GALNS: variants seen among roughly 807,000 people sequenced by gnomAD.
GALNS encodes galactosamine (N-acetyl)-6-sulfatase, also known as N-acetylgalactosamine-6-sulfatase.
A neutral mutation model predicts 65.9 loss-of-function variants in GALNS; 65 were observed. The ratio of observed to expected loss-of-function variants is 0.99; its 90% CI spans 0.81 to 1.21. The LOEUF is 1.21. GALNS is among the 50% of genes most tolerant of loss of function. GALNS has a pLI of 0.00. For missense variants in GALNS, 776 were observed against 700.7 expected (o/e 1.11, Z -1.21); for synonymous variants, 346 against 288.9 (o/e 1.20, Z -2.00).
chr16:88,843,168 G>A (rs902990186), intron 1 of GALNS: 2 of 1,389,036 alleles, frequency 1.4e-6, no homozygotes, highest in African/African-American at 2.9e-5. Context: ...GCATCTGCAT[G>A]CTCGCAGGAG....
Position 88,835,481 on chromosome 16 carries a change from C to G in GALNS, c.759-129G>C, listed in dbSNP as rs117958182. 51,489 of 1,344,368 alleles carry G rather than the reference C, an allele frequency of 0.038. 1,211 individuals carry two copies. The highest frequency in any genetic ancestry group is 0.077 in the South Asian group (6,238 of 81,224). 83.3% of individuals were successfully genotyped at this position (1,344,368 alleles called of 1,614,324 possible). On this transcript the variant is annotated intron_variant, in intron 7 of 13. Coordinates refer to ENST00000268695, the MANE Select transcript of GALNS (RefSeq NM_000512.5). ...CTTCACAGACCACAGTGAAACTGGC[C>G]GGCCTCTTCCCAGAAGAGGAATGGC...
intron 9 of GALNS, among the ~76,000 whole-genome samples, chr16:88,831,205 CGAG>C (rs952134304): frequency 7.2e-5 from 11 of 151,960 alleles, no homozygotes; most frequent in Admixed American, 1.3e-4. Flanking sequence ...GACCTGGTTC[CGAG>C]GAGAGCGGTG....
chr16:88,821,304 T>A (rs1910194351), intron 12 of GALNS, among the ~76,000 whole-genome samples: 1 of 150,724 alleles, frequency 6.6e-6, no homozygotes, highest in Non-Finnish European at 1.5e-5. Flanking sequence ...CCAGTCCCCG[T>A]CTCGTCCCGT....
intron 1 of GALNS, chr16:88,855,530 CAAAT>C: frequency 4.3e-6 from 3 of 702,332 alleles, no homozygotes; most frequent in Middle Eastern, 2.3e-4. Context: ...TCACTGCACA[CAAAT>C]AAGACATATG....
chr16:88,832,134 G>C (rs1333160333), intron 8 of GALNS, 33 bp from the exon 9 acceptor site: 3 of 1,578,922 alleles, frequency 1.9e-6, no homozygotes, highest in Non-Finnish European at 2.6e-6. Flanking sequence ...AGGCCACTGG[G>C]ACCAGATGTC....
At chr16:88,828,641 G>A (rs915077633) in intron 9 of GALNS, among the ~76,000 whole-genome samples, 2 of 152,256 alleles carry the variant, frequency 1.3e-5, no homozygotes, top group African/African-American at 2.4e-5. Context: ...CTCAGGTGGG[G>A]AGAGGGTTTC....
At position 88,814,030 on chromosome 16, in the gene GALNS, T is replaced by C; in HGVS notation, c.*409A>G. 3.0e-6 allele frequency: 1 copy of C among 330,344 alleles called. No individual in the cohort carries two copies. Among genetic ancestry groups the C allele is most frequent in the Non-Finnish European group, 5.9e-6 (1 of 168,684 alleles). The allele number at this position is 330,344 out of a possible 1,614,324, so 20.5% of individuals were successfully genotyped here. A position where few individuals can be genotyped will look rare whatever the true frequency, so the allele number is the denominator to read the frequency against. ...GCCATACACATACTGATCTTGTGTC[T>C]CCCTAAGATGTATAAAGGCAAACTG... On this transcript the variant is annotated 3_prime_UTR_variant, in exon 14 of 14. Transcript: ENST00000268695.
intron 12 of GALNS, among the ~76,000 whole-genome samples, chr16:88,819,808 C>T (rs1910016931): frequency 6.6e-6 from 1 of 152,058 alleles, no homozygotes; most frequent in Non-Finnish European, 1.5e-5. Context: ...ATTCTCCTGC[C>T]TCAGCCTCCT....
intron 12 of GALNS, among the ~76,000 whole-genome samples, chr16:88,818,951 G>C (rs1179740622): frequency 6.6e-6 from 1 of 152,194 alleles, no homozygotes; most frequent in South Asian, 2.1e-4. Context: ...AAGGTGGTGT[G>C]GCAGCTCCTT....
intron 10 of GALNS, among the ~76,000 whole-genome samples, chr16:88,825,627 A>G (rs917987898): frequency 7.7e-5 from 11 of 142,534 alleles, no homozygotes; most frequent in Admixed American, 3.5e-4. Flanking sequence ...GGCCGGGGCT[A>G]GGGTGCCTGG....
chr16:88,849,326 C>A (rs1218794665), intron 1 of GALNS, among the ~76,000 whole-genome samples: 1 of 151,772 alleles, frequency 6.6e-6, no homozygotes, highest in African/African-American at 2.4e-5. Context: ...ACTCTGTCAC[C>A]CAGGTTGGAG....
At chr16:88,848,897 C>G (rs907403123) in intron 1 of GALNS, among the ~76,000 whole-genome samples, 5 of 152,202 alleles carry the variant, frequency 3.3e-5, no homozygotes, top group Non-Finnish European at 7.3e-5. Flanking sequence ...ACACCTTGGT[C>G]TTTGTCTGGA....
At chr16:88,849,801 G>C (rs914932962) in intron 1 of GALNS, among the ~76,000 whole-genome samples, 12 of 152,266 alleles carry the variant, frequency 7.9e-5, no homozygotes, top group African/African-American at 2.2e-4. Context: ...AGGACCTAGA[G>C]AGAGGTGTCC....
intron 7 of GALNS, 149 bp downstream of exon 7, chr16:88,835,576 C>G: frequency 1.5e-6 from 2 of 1,341,520 alleles, no homozygotes; most frequent in South Asian, 1.2e-5. Flanking sequence ...CTCTGCTGAT[C>G]CCAGGCCAGT....
intron 1 of GALNS, among the ~76,000 whole-genome samples, chr16:88,854,363 T>C (rs9923136): frequency 2.0e-5 from 3 of 152,178 alleles, no homozygotes; most frequent in South Asian, 2.1e-4. Flanking sequence ...CCTTGCACCC[T>C]GGGCCACGTC....
At chr16:88,816,956 G>T in intron 13 of GALNS, 1 of 985,438 alleles carries the variant, frequency 1.0e-6, no homozygotes, top group Non-Finnish European at 1.2e-6. Flanking sequence ...GGCTGGGCTC[G>T]GCCATCTCCA....
intron 10 of GALNS, 64 bp from the exon 11 acceptor site, chr16:88,824,933 T>C: frequency 1.5e-6 from 2 of 1,337,400 alleles, no homozygotes; most frequent in Non-Finnish European, 2.1e-6. Context: ...ACCTGGAGGC[T>C]CTGGGCTGCG....
At chr16:88,845,390 T>C (rs1967199085) in intron 1 of GALNS, 1 of 151,170 alleles carries the variant, frequency 6.6e-6, no homozygotes, top group African/African-American at 2.4e-5. Context: ...GTGGTTCACA[T>C]TTGACCCATG....
At chr16:88,846,940 C>T (rs984461010) in intron 1 of GALNS, among the ~76,000 whole-genome samples, 1 of 152,008 alleles carries the variant, frequency 6.6e-6, no homozygotes. Context: ...ACTGAGAAGC[C>T]CACTTAGTGT....
Sources: gnomAD v4.1 joint callset for allele counts (sites outside exome capture counted in the v4.1 genomes callset) on GRCh38, gnomAD v4.1.1 for gene constraint, MANE v1.5 for transcripts, NCBI Gene and HGNC (gene_info 2026-07-23, HGNC 2026-07-21) for gene names.